TESMIN: variants seen among roughly 807,000 people sequenced by gnomAD.
TESMIN encodes the protein CXC domain containing 2.
In TESMIN, 34 loss-of-function variants were observed where a neutral mutation model predicts 47.4. That is an observed-to-expected ratio of 0.72 (90% CI 0.55 to 0.96). The LOEUF is 0.96. TESMIN is among the 40% of genes least tolerant of loss of function. The pLI, the probability that TESMIN is intolerant of heterozygous loss-of-function variation, is 0.00. For missense variants in TESMIN, 610 were observed against 637.2 expected (o/e 0.96, Z 0.46); for synonymous variants, 278 against 258.9 (o/e 1.07, Z -0.71).
At chr11:68,711,928 C>T (rs1477512376) in intron 8 of TESMIN, among the ~76,000 whole-genome samples, 1 of 152,236 alleles carries the variant, frequency 6.6e-6, no homozygotes, top group African/African-American at 2.4e-5. Context: ...AGGGGCTGAC[C>T]AAGAGCTGGC....
At chr11:68,712,287 G>A (rs1249858385) in intron 8 of TESMIN, among the ~76,000 whole-genome samples, 2 of 152,210 alleles carry the variant, frequency 1.3e-5, no homozygotes, top group Non-Finnish European at 2.9e-5. Context: ...TTCCTCGGGG[G>A]TGATGTCAGT....
chr11:68,726,296 G>C (rs1946263336), intron 6 of TESMIN, among the ~76,000 whole-genome samples: 1 of 151,914 alleles, frequency 6.6e-6, no homozygotes, highest in Non-Finnish European at 1.5e-5. Flanking sequence ...GTTGAAATCT[G>C]AATTCATACT....
At chr11:68,736,725 AAAT>A in intron 6 of TESMIN, 5 of 980,242 alleles carry the variant, frequency 5.1e-6, no homozygotes, top group Non-Finnish European at 6.1e-6. Context: ...GACTGATTGA[AAAT>A]AATCTAGTAT....
rs746138490 is a variant in TESMIN at position 68,750,403 on chromosome 11, G to GC, written c.257dup (p.Asp87ArgfsTer73). On this transcript the variant is annotated frameshift_variant, in exon 2 of 10. Transcript: ENST00000255087. LOFTEE classifies it high-confidence loss of function. The stretch of plus-strand genomic sequence containing the variant: ...CGAGGAGCTCCCCGCCGTCGCTGTC[G>GC]CCCCCCGCGAGCTTCGCCTTGACCT... 11 of 1,519,330 alleles carry GC rather than the reference G, an allele frequency of 7.2e-6. No individual in the cohort carries two copies. The Admixed American group carries it at 1.0e-4, about 14-fold the overall frequency. 94.1% of individuals were successfully genotyped at this position (1,519,330 alleles called of 1,614,324 possible).
intron 6 of TESMIN, chr11:68,737,547 C>T (rs986666794): frequency 1.7e-5 from 17 of 985,532 alleles, no homozygotes; most frequent in African/African-American, 3.5e-5. Context: ...CTGGAGGCTG[C>T]GGGCTGTATC....
In TESMIN at chr11:68,713,257, G is replaced by T; in HGVS notation, c.1158+13C>A. The T allele has an allele frequency of 1.2e-6, 2 of 1,610,342 alleles. No individual in the cohort carries two copies. The highest frequency in any genetic ancestry group is 1.7e-6 in the Non-Finnish European group (2 of 1,177,818). ...GTGTTTTTTGTTAGTGAGTTAGGGA[G>T]CTGGGCACTAACCTCATAGCACTCG... On this transcript the variant is annotated intron_variant, in intron 8 of 9. Transcript: ENST00000255087.
At chr11:68,713,492 T>A (rs931046548) in intron 7 of TESMIN, 85 bp from the exon 8 acceptor site, 1 of 1,496,766 alleles carries the variant, frequency 6.7e-7, no homozygotes, top group African/African-American at 1.4e-5. Context: ...TGAATCTGAT[T>A]GTTGTAAAAG....
intron 3 of TESMIN, among the ~76,000 whole-genome samples, chr11:68,746,835 T>C (rs1379713792): frequency 6.6e-6 from 1 of 152,182 alleles, no homozygotes; most frequent in Non-Finnish European, 1.5e-5. Context: ...CATGAGAGAT[T>C]GGGACACGAA....
At chr11:68,738,488 G>C in intron 6 of TESMIN, 1 of 1,365,466 alleles carries the variant, frequency 7.3e-7, no homozygotes, top group Non-Finnish European at 9.5e-7. Flanking sequence ...GCAGGTTATG[G>C]GCCAGACTTT....
intron 3 of TESMIN, 60 bp from the exon 4 acceptor site, chr11:68,745,171 C>A: frequency 6.8e-7 from 1 of 1,475,474 alleles, no homozygotes; most frequent in Non-Finnish European, 9.1e-7. Context: ...TAATAATGAA[C>A]CTAAATAAAC....
rs774260750 is a variant in TESMIN, at chr11:68,750,688, G to A, written c.-28C>T. ...CGCAGGGCGGCGGGGCGGGATGGCG[G>A]GGGCCGCGCACCTGCAACACGCGGC... On this transcript the variant is annotated 5_prime_UTR_variant, in exon 2 of 10. Coordinates refer to ENST00000255087, the MANE Select transcript of TESMIN (RefSeq NM_004923.3). 98 of 1,442,688 alleles carry A rather than the reference G, an allele frequency of 6.8e-5. No individual in the cohort carries two copies. Among genetic ancestry groups the A allele is most frequent in the Non-Finnish European group, 7.8e-5 (85 of 1,093,590 alleles). 89.4% of individuals were successfully genotyped at this position (1,442,688 alleles called of 1,614,324 possible).
At chr11:68,748,045 T>A (rs1946544270) in intron 2 of TESMIN, among the ~76,000 whole-genome samples, 1 of 151,910 alleles carries the variant, frequency 6.6e-6, no homozygotes, top group African/African-American at 2.4e-5. Flanking sequence ...TCCCCTCCCC[T>A]CCTCCTCCAC....
chr11:68,736,970 G>A, intron 6 of TESMIN: 19 of 985,462 alleles, frequency 1.9e-5, no homozygotes, highest in Non-Finnish European at 2.3e-5. Context: ...AACTGGGAGA[G>A]CACGCAATTA....
chr11:68,735,901 A>G (rs1343335233), intron 6 of TESMIN, among the ~76,000 whole-genome samples: 1 of 152,252 alleles, frequency 6.6e-6, no homozygotes. Flanking sequence ...GCCAGTAAAG[A>G]CACCCATCAG....
intron 7 of TESMIN, 27 bp downstream of exon 7, chr11:68,715,810 T>C (rs1566313274): frequency 6.9e-6 from 10 of 1,453,604 alleles, no homozygotes; most frequent in Non-Finnish European, 9.6e-6. Flanking sequence ...GCTTTTAAAA[T>C]GCATACATTT....
At chr11:68,745,656 T>C (rs1452419397) in intron 3 of TESMIN, among the ~76,000 whole-genome samples, 1 of 152,192 alleles carries the variant, frequency 6.6e-6, no homozygotes, top group African/African-American at 2.4e-5. Flanking sequence ...TAAAAACACA[T>C]CTATTTTATT....
chr11:68,717,831 C>T (rs1179584510), intron 6 of TESMIN, among the ~76,000 whole-genome samples: 3 of 152,266 alleles, frequency 2.0e-5, no homozygotes, highest in East Asian at 3.9e-4. Context: ...AAAAGTGACT[C>T]TCTTGGAGCA....
chr11:68,725,123 T>C (rs1206809410), intron 6 of TESMIN, among the ~76,000 whole-genome samples: 3 of 152,194 alleles, frequency 2.0e-5, no homozygotes, highest in Non-Finnish European at 4.4e-5. Flanking sequence ...GCAGAATTCA[T>C]GTCTGGAGCG....
chr11:68,746,269 G>T (rs1241077693), intron 3 of TESMIN, among the ~76,000 whole-genome samples: 2 of 152,280 alleles, frequency 1.3e-5, no homozygotes, highest in Non-Finnish European at 2.9e-5. Context: ...TGGGAGCCTT[G>T]GCTCTGCCCT....
Sources: gnomAD v4.1 joint callset for allele counts (sites outside exome capture counted in the v4.1 genomes callset) on GRCh38, gnomAD v4.1.1 for gene constraint, MANE v1.5 for transcripts, NCBI Gene and HGNC (gene_info 2026-07-23, HGNC 2026-07-21) for gene names.